CDH4: variants seen among roughly 807,000 people sequenced by gnomAD.
CDH4 encodes cadherin 4.
Under a neutral mutation model 86.0 loss-of-function variants are expected in CDH4, and 33 were observed. That is an observed-to-expected ratio of 0.38 (90% CI 0.29 to 0.51). The LOEUF (loss-of-function observed/expected upper bound fraction) is 0.51, where lower values mean the gene tolerates loss of function less well. Ranked by LOEUF, CDH4 falls within the 20% of genes least tolerant of loss-of-function variation. The probability of loss-of-function intolerance (pLI) is 0.86; values close to 1 mark genes in which losing one functional copy is unlikely to be tolerated. For missense variants in CDH4, 1,114 were observed against 1,307.4 expected (o/e 0.85, Z 2.28); for synonymous variants, 555 against 549.4 (o/e 1.01, Z -0.14).
chr20:61,542,865 G>A (rs1019961123), intron 2 of CDH4, among the ~76,000 whole-genome samples: 10 of 152,326 alleles, frequency 6.6e-5, no homozygotes, highest in Non-Finnish European at 1.2e-4. Flanking sequence ...CTGTGTGCAC[G>A]CTAAGGAGCC....
intron 7 of CDH4, among the ~76,000 whole-genome samples, chr20:61,888,973 A>T (rs1162432420): frequency 6.6e-6 from 1 of 152,190 alleles, no homozygotes; most frequent in Non-Finnish European, 1.5e-5. Context: ...GAACAGGAAC[A>T]TGCTTTTTTA....
At chr20:61,695,962 C>T (rs1235567355) in intron 2 of CDH4, among the ~76,000 whole-genome samples, 1 of 152,198 alleles carries the variant, frequency 6.6e-6, no homozygotes, top group East Asian at 1.9e-4. Context: ...CCCGACCAGC[C>T]CCCTCCATGA....
intron 2 of CDH4, among the ~76,000 whole-genome samples, chr20:61,609,625 G>C (rs140327602): frequency 6.6e-6 from 1 of 152,316 alleles, no homozygotes; most frequent in South Asian, 2.1e-4. Context: ...GAGATGTCAC[G>C]TGCTCCTCAT....
intron 2 of CDH4, among the ~76,000 whole-genome samples, chr20:61,363,683 G>A (rs532532648): frequency 6.6e-6 from 1 of 152,282 alleles, no homozygotes; most frequent in African/African-American, 2.4e-5. Flanking sequence ...CAGAAGGTGA[G>A]AAAGTTGCCC....
intron 2 of CDH4, among the ~76,000 whole-genome samples, chr20:61,693,091 C>T (rs1246624938): frequency 1.3e-5 from 2 of 152,138 alleles, no homozygotes; most frequent in Non-Finnish European, 2.9e-5. Flanking sequence ...TAACTGATCA[C>T]CGGCTCACCT....
chr20:61,710,469 C>T (rs1439049329), intron 2 of CDH4, among the ~76,000 whole-genome samples: 1 of 152,238 alleles, frequency 6.6e-6, no homozygotes, highest in African/African-American at 2.4e-5. Context: ...CAGAGCCCCC[C>T]TCCTGGGGAG....
At chr20:61,755,308 C>T (rs893994183) in intron 3 of CDH4, among the ~76,000 whole-genome samples, 6 of 150,978 alleles carry the variant, frequency 4.0e-5, no homozygotes, top group African/African-American at 1.2e-4. Flanking sequence ...ACCACACACA[C>T]AGTGCACACC....
chr20:61,532,679 T>C (rs749079623), intron 2 of CDH4, among the ~76,000 whole-genome samples: 1 of 152,082 alleles, frequency 6.6e-6, no homozygotes, highest in African/African-American at 2.4e-5. Context: ...GATCAGCCAA[T>C]GTTTTAAGGT....
intron 2 of CDH4, among the ~76,000 whole-genome samples, chr20:61,363,698 G>A (rs1020844778): frequency 1.3e-5 from 2 of 152,166 alleles, no homozygotes; most frequent in Admixed American, 6.6e-5. Context: ...TTGCCCCTTC[G>A]AGGAGAGAAT....
chr20:61,859,007 C>T (rs1288516311), intron 6 of CDH4, among the ~76,000 whole-genome samples: 1 of 152,176 alleles, frequency 6.6e-6, no homozygotes, highest in Non-Finnish European at 1.5e-5. Context: ...AGAGGGGCTG[C>T]CCCATCGCAC....
At chr20:61,359,542 T>C (rs1029683734) in intron 2 of CDH4, among the ~76,000 whole-genome samples, 12 of 152,224 alleles carry the variant, frequency 7.9e-5, no homozygotes, top group Non-Finnish European at 1.6e-4. Flanking sequence ...GCTGAGTCTT[T>C]GCTGTGTCCC....
intron 4 of CDH4, among the ~76,000 whole-genome samples, chr20:61,803,915 G>A (rs867447671): frequency 2.6e-5 from 4 of 152,272 alleles, no homozygotes; most frequent in Non-Finnish European, 4.4e-5. Context: ...CCCCCGCTGC[G>A]TCTGCTTCCA....
At chr20:61,282,381 C>T (rs1268871016) in intron 2 of CDH4, among the ~76,000 whole-genome samples, 1 of 152,166 alleles carries the variant, frequency 6.6e-6, no homozygotes, top group Non-Finnish European at 1.5e-5. Context: ...AGAAATTCAC[C>T]TTTGGCTCTA....
At chr20:61,485,774 C>T (rs1300971944) in intron 2 of CDH4, among the ~76,000 whole-genome samples, 1 of 152,250 alleles carries the variant, frequency 6.6e-6, no homozygotes, top group Non-Finnish European at 1.5e-5. Flanking sequence ...CTGCAGTGCC[C>T]AGGCACGGGC....
intron 2 of CDH4, among the ~76,000 whole-genome samples, chr20:61,560,000 C>T (rs757352732): frequency 8.5e-5 from 13 of 152,344 alleles, no homozygotes; most frequent in Admixed American, 3.9e-4. Context: ...TGTCCATCGA[C>T]ATCCAACTTA....
chr20:61,936,001 G>T (rs1433901198), intron 15 of CDH4, among the ~76,000 whole-genome samples: 2 of 151,992 alleles, frequency 1.3e-5, no homozygotes, highest in Admixed American at 1.3e-4. Flanking sequence ...CTCTCCCAGG[G>T]TCACAGGAGG....
intron 2 of CDH4, among the ~76,000 whole-genome samples, chr20:61,476,824 A>G (rs1400135851): frequency 1.3e-5 from 2 of 152,228 alleles, no homozygotes; most frequent in Non-Finnish European, 1.5e-5. Context: ...AGGAATACTG[A>G]CACAGGCTGC....
At chr20:61,833,097 C>G (rs1256520561) in intron 4 of CDH4, among the ~76,000 whole-genome samples, 1 of 152,006 alleles carries the variant, frequency 6.6e-6, no homozygotes, top group Non-Finnish European at 1.5e-5. Context: ...CGGTACTCAG[C>G]CCCCATGAGT....
chr20:61,274,949 T>C (rs189714294), intron 2 of CDH4, among the ~76,000 whole-genome samples: 97 of 144,782 alleles, frequency 6.7e-4, no homozygotes, highest in Non-Finnish European at 1.0e-3. Context: ...GAGTACCATG[T>C]GCAGTTTGGG....
Sources: gnomAD v4.1 joint callset for allele counts (sites outside exome capture counted in the v4.1 genomes callset) on GRCh38, gnomAD v4.1.1 for gene constraint, MANE v1.5 for transcripts, NCBI Gene and HGNC (gene_info 2026-07-23, HGNC 2026-07-21) for gene names.